SPTLC3: variants seen among roughly 807,000 people sequenced by gnomAD.
SPTLC3 encodes serine palmitoyltransferase 3.
A neutral mutation model predicts 59.3 loss-of-function variants in SPTLC3; 36 were observed. That is an observed-to-expected ratio of 0.61 (90% CI 0.47 to 0.80). The LOEUF is 0.80. Among genes scored for constraint, SPTLC3 ranks in the 30% least tolerant of loss-of-function variants. SPTLC3 has a pLI of 0.00. For missense variants in SPTLC3, 625 were observed against 685.1 expected (o/e 0.91, Z 0.98); for synonymous variants, 257 against 240.8 (o/e 1.07, Z -0.62).
At chr20:13,152,329 A>G (rs2038667810) in intron 9 of SPTLC3, among the ~76,000 whole-genome samples, 1 of 152,184 alleles carries the variant, frequency 6.6e-6, no homozygotes, top group Non-Finnish European at 1.5e-5. Flanking sequence ...CGTTATTACT[A>G]TTGTCCTTTA....
At chr20:13,028,771 C>T (rs1410691741) in intron 1 of SPTLC3, among the ~76,000 whole-genome samples, 1 of 152,164 alleles carries the variant, frequency 6.6e-6, no homozygotes, top group Admixed American at 6.6e-5. Context: ...TAACTAGCTT[C>T]CACTTCCTTT....
intron 1 of SPTLC3, among the ~76,000 whole-genome samples, chr20:13,010,643 G>A (rs118017181): frequency 1.7e-3 from 254 of 152,254 alleles, no homozygotes; most frequent in Non-Finnish European, 3.2e-3. Context: ...TTGTATGAAG[G>A]AAATTGCAGT....
intron 2 of SPTLC3, among the ~76,000 whole-genome samples, chr20:13,069,934 A>G (rs551444466): frequency 4.0e-4 from 61 of 152,334 alleles, no homozygotes; most frequent in Middle Eastern, 6.8e-3. Flanking sequence ...TGATAGGATG[A>G]GTTTATAGAT....
At chr20:13,130,303 C>T (rs1176279827) in intron 9 of SPTLC3, among the ~76,000 whole-genome samples, 1 of 152,186 alleles carries the variant, frequency 6.6e-6, no homozygotes, top group Non-Finnish European at 1.5e-5. Context: ...CAAGAGCTGC[C>T]TTACAGGATC....
chr20:13,034,454 T>C (rs1465165310), intron 1 of SPTLC3, among the ~76,000 whole-genome samples: 1 of 152,198 alleles, frequency 6.6e-6, no homozygotes, highest in South Asian at 2.1e-4. Flanking sequence ...AAACTCTTTT[T>C]GTTGATGGCC....
intron 1 of SPTLC3, among the ~76,000 whole-genome samples, chr20:13,035,206 C>CTGT (rs1568572043): frequency 2.6e-5 from 4 of 152,148 alleles, no homozygotes; most frequent in Non-Finnish European, 5.9e-5. Flanking sequence ...AACATGGACA[C>CTGT]TCAATGAGAC....
chr20:13,055,283 A>G (rs184629865), intron 2 of SPTLC3, among the ~76,000 whole-genome samples: 4 of 151,832 alleles, frequency 2.6e-5, no homozygotes, highest in African/African-American at 7.3e-5. Context: ...CAAGCAGGAG[A>G]CAACTCAGCA....
intron 1 of SPTLC3, among the ~76,000 whole-genome samples, chr20:13,034,763 T>C (rs1986659200): frequency 1.3e-5 from 2 of 151,944 alleles, no homozygotes; most frequent in South Asian, 2.1e-4. Flanking sequence ...CAGTTCTACA[T>C]GTAAAAACAT....
At chr20:13,013,602 A>C (rs1985367438) in intron 1 of SPTLC3, among the ~76,000 whole-genome samples, 1 of 152,314 alleles carries the variant, frequency 6.6e-6, no homozygotes, top group Non-Finnish European at 1.5e-5. Flanking sequence ...GAACTCCTTA[A>C]GGAATCCGCA....
intron 1 of SPTLC3, among the ~76,000 whole-genome samples, chr20:13,036,556 T>G (rs1986742530): frequency 6.6e-6 from 1 of 152,154 alleles, no homozygotes; most frequent in South Asian, 2.1e-4. Context: ...TAATCTGCTA[T>G]TCATCAGTAA....
chr20:13,016,759 C>G (rs567953308), intron 1 of SPTLC3, among the ~76,000 whole-genome samples: 13 of 152,134 alleles, frequency 8.5e-5, no homozygotes, highest in Non-Finnish European at 1.5e-4. Context: ...GCTCCAATAG[C>G]TAATGCATGT....
chr20:13,082,638 A>C (rs2281508), intron 4 of SPTLC3, among the ~76,000 whole-genome samples: 71,855 of 151,964 alleles, frequency 0.47, 16,994 homozygotes, highest in East Asian at 0.51. Context: ...AAAGCCCAAA[A>C]CATTTATTCT....
intron 7 of SPTLC3, among the ~76,000 whole-genome samples, chr20:13,114,314 T>C (rs1990412469): frequency 6.6e-6 from 1 of 152,242 alleles, no homozygotes; most frequent in Non-Finnish European, 1.5e-5. Flanking sequence ...AAGTATCATT[T>C]TAAAATCACA....
intron 9 of SPTLC3, among the ~76,000 whole-genome samples, chr20:13,149,616 T>A (rs1325731132): frequency 1.3e-5 from 2 of 152,210 alleles, no homozygotes; most frequent in Non-Finnish European, 2.9e-5. Context: ...CCACAAAGTG[T>A]GTCATAATGG....
At chr20:13,057,192 G>T (rs1987765462) in intron 2 of SPTLC3, among the ~76,000 whole-genome samples, 1 of 152,132 alleles carries the variant, frequency 6.6e-6, no homozygotes, top group South Asian at 2.1e-4. Context: ...CAGCAGAAAT[G>T]AGCATTATTC....
intron 6 of SPTLC3, among the ~76,000 whole-genome samples, chr20:13,094,860 C>T (rs889481553): frequency 2.0e-5 from 3 of 152,126 alleles, no homozygotes; most frequent in African/African-American, 7.2e-5. Context: ...CAAACTATGG[C>T]CCCCTCAGAC....
At chr20:13,026,384 G>A (rs752225298) in intron 1 of SPTLC3, among the ~76,000 whole-genome samples, 7 of 152,092 alleles carry the variant, frequency 4.6e-5, no homozygotes, top group Non-Finnish European at 7.4e-5. Flanking sequence ...AACCTTGCCA[G>A]CATCTGTTAT....
chr20:13,154,359 A>G (rs958183622), intron 10 of SPTLC3, among the ~76,000 whole-genome samples: 2 of 152,120 alleles, frequency 1.3e-5, no homozygotes, highest in Admixed American at 6.5e-5. Context: ...CTCTCCCTAA[A>G]TTCAAGTTCT....
intron 5 of SPTLC3, among the ~76,000 whole-genome samples, chr20:13,092,853 T>A (rs1489875040): frequency 2.0e-5 from 3 of 152,166 alleles, no homozygotes; most frequent in Non-Finnish European, 4.4e-5. Context: ...AGTTTTACAA[T>A]TTAGAAATGT....
Sources: gnomAD v4.1 joint callset for allele counts (sites outside exome capture counted in the v4.1 genomes callset) on GRCh38, gnomAD v4.1.1 for gene constraint, MANE v1.5 for transcripts, NCBI Gene and HGNC (gene_info 2026-07-23, HGNC 2026-07-21) for gene names.